KIFC3: variants seen among roughly 807,000 people sequenced by gnomAD.
KIFC3 encodes kinesin family member C3, also known as kinesin-like protein KIFC3.
A neutral mutation model predicts 101.8 loss-of-function variants in KIFC3; 60 were observed. That is an observed-to-expected ratio of 0.59 (90% CI 0.48 to 0.73). The LOEUF is 0.73. KIFC3 is among the 30% of genes least tolerant of loss of function. KIFC3 has a pLI of 0.00. For missense variants in KIFC3, 966 were observed against 1,137.1 expected (o/e 0.85, Z 2.16); for synonymous variants, 476 against 482.7 (o/e 0.99, Z 0.18).
At chr16:57,848,280 AG>A (rs2055979161) in intron 1 of KIFC3, among the ~76,000 whole-genome samples, 1 of 152,208 alleles carries the variant, frequency 6.6e-6, no homozygotes, top group Non-Finnish European at 1.5e-5. Context: ...GCAAACAGAG[AG>A]TGGTTTAACT....
chr16:57,858,960 A>G (rs2056237242), intron 1 of KIFC3, among the ~76,000 whole-genome samples: 1 of 152,244 alleles, frequency 6.6e-6, no homozygotes, highest in African/African-American at 2.4e-5. Context: ...AAAATAAAAA[A>G]AAGAAAAGAA....
chr16:57,814,823 T>G (rs1555628448), intron 1 of KIFC3, among the ~76,000 whole-genome samples: 1 of 152,140 alleles, frequency 6.6e-6, no homozygotes, highest in Non-Finnish European at 1.5e-5. Flanking sequence ...TGTTTCACCA[T>G]GTTGCCCAGG....
intron 3 of KIFC3, among the ~76,000 whole-genome samples, chr16:57,794,640 G>A (rs1331106246): frequency 6.6e-6 from 1 of 152,114 alleles, no homozygotes; most frequent in African/African-American, 2.4e-5. Context: ...ATATTCCCAA[G>A]GAAATACAAG....
chr16:57,798,498 T>C, intron 1 of KIFC3: 1 of 590,606 alleles, frequency 1.7e-6, no homozygotes, highest in Non-Finnish European at 3.0e-6. Flanking sequence ...ATACGGAGGC[T>C]CCGAAGTGCG....
intron 3 of KIFC3, among the ~76,000 whole-genome samples, chr16:57,793,706 G>C (rs2054073300): frequency 6.6e-6 from 1 of 151,830 alleles, no homozygotes. Flanking sequence ...ATGCACACCT[G>C]TAATCCCAGC....
At chr16:57,762,444 C>T (rs1211260697) in intron 12 of KIFC3, among the ~76,000 whole-genome samples, 174 bp from the exon 13 acceptor site, 2 of 152,212 alleles carry the variant, frequency 1.3e-5, no homozygotes, top group Admixed American at 6.5e-5. Flanking sequence ...GGCAACTGCA[C>T]CTCTATTTCC....
At chr16:57,804,002 G>A (rs1390389256), upstream of KIFC3, among the ~76,000 whole-genome samples, 2 of 152,144 alleles carry the variant, frequency 1.3e-5, no homozygotes, top group Non-Finnish European at 2.9e-5. Flanking sequence ...GGGATGGGGA[G>A]GACAGAATGT....
intron 3 of KIFC3, among the ~76,000 whole-genome samples, chr16:57,794,598 T>C (rs1186217310): frequency 6.6e-6 from 1 of 152,176 alleles, no homozygotes; most frequent in African/African-American, 2.4e-5. Context: ...GAATCCTCCA[T>C]CTAGCTTTGA....
intron 3 of KIFC3, chr16:57,775,699 T>C: frequency 1.0e-6 from 1 of 985,538 alleles, no homozygotes; most frequent in Non-Finnish European, 1.2e-6. Flanking sequence ...AGTGCCACCC[T>C]GGGCCCGATA....
chr16:57,857,014 A>T (rs1025822652), intron 1 of KIFC3, among the ~76,000 whole-genome samples: 2 of 152,184 alleles, frequency 1.3e-5, no homozygotes, highest in African/African-American at 2.4e-5. Context: ...TGAGCCCAGC[A>T]TTACCCCGAT....
intron 2 of KIFC3, among the ~76,000 whole-genome samples, chr16:57,796,803 T>C (rs1272641670): frequency 6.6e-6 from 1 of 152,242 alleles, no homozygotes; most frequent in Non-Finnish European, 1.5e-5. Flanking sequence ...GTTCAGTGAC[T>C]AACTTGTGAT....
In KIFC3 at chr16:57,837,784, T is replaced by C. The variant is rs191664965; in HGVS notation, c.108+24945A>G. On this transcript the variant is annotated intron_variant, in intron 1 of 2. Coordinates refer to the KIFC3 transcript ENST00000563028. The stretch of plus-strand genomic sequence containing the variant: ...GACAAGGCCTTGGGAATCGGGACTT[T>C]AACAGTGCACAGAAAACCCCGTCTG... Among the ~76,000 whole-genome samples, 7 of 152,130 alleles carry C rather than the reference T, an allele frequency of 4.6e-5. No homozygotes were observed. The East Asian group carries it at 1.2e-3, about 25-fold the overall frequency.
intron 1 of KIFC3, among the ~76,000 whole-genome samples, chr16:57,855,485 C>T (rs1369098016): frequency 1.3e-5 from 2 of 151,608 alleles, no homozygotes; most frequent in Non-Finnish European, 2.9e-5. Context: ...AGCAAAAGTA[C>T]AACATATAAA....
Position 57,798,133 on chromosome 16 carries a change from T to G in KIFC3, c.111A>C (p.Pro37=). ...GGCGGGCGGCCGGGCTGGCTGGGGCTGGGGCGGGGCGAGCCATCCCCGGCT... is the reference window on the plus strand; with the variant it reads ...GGCGGGCGGCCGGGCTGGCTGGGGCGGGGGCGGGGCGAGCCATCCCCGGCT... ...EPEPGMARPA[P]APASPAARPF... Residue 37 remains proline (P), a synonymous_variant, in exon 2 of 20, where the codon CCA becomes CCC. Transcript: ENST00000445690. 1 of 1,559,710 alleles carries G rather than the reference T, an allele frequency of 6.4e-7. No homozygotes were observed. Among genetic ancestry groups the G allele is most frequent in the Non-Finnish European group, 8.7e-7 (1 of 1,152,644 alleles).
chr16:57,839,633 A>G (rs1487561757), intron 1 of KIFC3, among the ~76,000 whole-genome samples: 1 of 152,126 alleles, frequency 6.6e-6, no homozygotes, highest in Non-Finnish European at 1.5e-5. Flanking sequence ...GACCTTACCT[A>G]TCATCGTTCC....
intron 3 of KIFC3, among the ~76,000 whole-genome samples, chr16:57,791,455 G>A (rs2053865247): frequency 6.6e-6 from 1 of 152,182 alleles, no homozygotes; most frequent in African/African-American, 2.4e-5. Context: ...GCCTCTGTAG[G>A]GTGCATCTCA....
intron 3 of KIFC3, among the ~76,000 whole-genome samples, chr16:57,783,315 T>C (rs2052936339): frequency 6.6e-6 from 1 of 152,092 alleles, no homozygotes. Context: ...TGACCATCAA[T>C]AGGCCTGTTG....
intron 3 of KIFC3, among the ~76,000 whole-genome samples, chr16:57,791,518 G>A (rs2053869600): frequency 6.6e-6 from 1 of 152,182 alleles, no homozygotes; most frequent in Non-Finnish European, 1.5e-5. Flanking sequence ...ACCCTACCAG[G>A]TTGCTACACT....
At chr16:57,821,746 T>TA in intron 1 of KIFC3, among the ~76,000 whole-genome samples, 2 of 152,012 alleles carry the variant, frequency 1.3e-5, no homozygotes, top group South Asian at 2.1e-4. Flanking sequence ...TTCCTGAAGT[T>TA]AAAAAAAGAA....
Sources: allele counts gnomAD v4.1 joint callset (sites outside exome capture counted in the v4.1 genomes callset), GRCh38; gene constraint gnomAD v4.1.1; transcripts MANE v1.5; gene names NCBI Gene and HGNC (gene_info 2026-07-23, HGNC 2026-07-21).